Variants in COL11A1 observed in about 807,000 individuals in gnomAD.
COL11A1 encodes collagen type XI alpha 1 chain, also known as collagen alpha-1(XI) chain.
COL11A1 carries 74 observed loss-of-function variants against 265.2 expected under a neutral mutation model. That is an observed-to-expected ratio of 0.28 (90% CI 0.23 to 0.34). The LOEUF (loss-of-function observed/expected upper bound fraction) is 0.34, where lower values mean the gene tolerates loss of function less well. COL11A1 is among the 10% of genes least tolerant of loss of function. The pLI, the probability that COL11A1 is intolerant of heterozygous loss-of-function variation, is 1.00. For missense variants in COL11A1, 2,165 were observed against 2,263.6 expected, an observed-to-expected ratio of 0.96 and a Z score of 0.88; for synonymous variants, 816 against 727.6, an observed-to-expected ratio of 1.12 and a Z score of -1.96.
rs555059033 is a variant in COL11A1, at chr1:103,108,516, C to A, written c.-338G>T. The stretch of plus-strand genomic sequence containing the variant: ...CTGTGTGCCCCTAAAGGCTTCATGC[C>A]GTCAGTGGGCTGGACGAGTGGCTCC... On this transcript the variant is annotated 5_prime_UTR_variant, in exon 1 of 67. Transcript: ENST00000370096. The A allele has an allele frequency of 2.2e-5, 12 of 552,380 alleles. No homozygotes were observed. The highest frequency in any genetic ancestry group is 2.0e-4 in the Admixed American group (6 of 29,980). 34.2% of individuals were successfully genotyped at this position (552,380 alleles called of 1,614,324 possible).
intron 41 of COL11A1, among the ~76,000 whole-genome samples, chr1:102,950,784 C>T (rs1659800339): frequency 6.6e-6 from 1 of 152,128 alleles, no homozygotes; most frequent in Non-Finnish European, 1.5e-5. Flanking sequence ...CCACCCAAAT[C>T]TCATCTTGCT....
chr1:103,014,478 A>G (rs1373623198), intron 13 of COL11A1, 33 bp downstream of exon 13: 2 of 1,554,530 alleles, frequency 1.3e-6, no homozygotes, highest in Non-Finnish European at 1.8e-6. Flanking sequence ...AGAGTCAGTC[A>G]TCTTGTGGGA....
chr1:103,098,211 T>G (rs1673944931), intron 1 of COL11A1, among the ~76,000 whole-genome samples: 1 of 151,960 alleles, frequency 6.6e-6, no homozygotes, highest in Non-Finnish European at 1.5e-5. Flanking sequence ...TTTTCTATAT[T>G]GTAATTAGTT....
chr1:103,078,609 A>G (rs749245143), intron 3 of COL11A1, 49 bp downstream of exon 3: 11 of 1,559,788 alleles, frequency 7.1e-6, no homozygotes, highest in Admixed American at 1.7e-5. Flanking sequence ...GACTGAATAA[A>G]AAAAATGATT....
At chr1:103,011,187 C>T (rs1189907114) in intron 14 of COL11A1, among the ~76,000 whole-genome samples, 2 of 151,734 alleles carry the variant, frequency 1.3e-5, no homozygotes, top group Non-Finnish European at 2.9e-5. Flanking sequence ...TTCTTCTGAC[C>T]CCAAATTTCA....
At chr1:102,905,188 A>G (rs1427933568) in intron 54 of COL11A1, among the ~76,000 whole-genome samples, 2 of 136,356 alleles carry the variant, frequency 1.5e-5, no homozygotes, top group Non-Finnish European at 3.1e-5. Context: ...ACACATGGAC[A>G]CAGGAAAGGG....
chr1:102,923,946 C>T (rs1028048330), intron 46 of COL11A1, among the ~76,000 whole-genome samples: 6 of 151,756 alleles, frequency 4.0e-5, no homozygotes, highest in East Asian at 1.9e-4. Flanking sequence ...CAGTGGCTCA[C>T]GGCTGTAATC....
At position 103,083,121 on chromosome 1, in the gene COL11A1, A is replaced by G. The variant is rs61817086; in HGVS notation, c.107-149T>C. On this transcript the variant is annotated intron_variant, in intron 1 of 66. Transcript: ENST00000370096. Reference sequence around the variant, plus strand: ...CCCTAACATTTAGGTGGGAGTTTGGAGAGTGGGGCAGCAGGTAGTAATATA... The same window carrying G: ...CCCTAACATTTAGGTGGGAGTTTGGGGAGTGGGGCAGCAGGTAGTAATATA... 0.15 allele frequency: 104,393 copies of G among 686,900 alleles called. 8,657 individuals carry two copies. The highest frequency in any genetic ancestry group is 0.18 in the Admixed American group (6,470 of 35,768). 42.6% of individuals were successfully genotyped at this position (686,900 alleles called of 1,614,324 possible).
At chr1:102,975,385 G>A (rs1430060380) in intron 35 of COL11A1, among the ~76,000 whole-genome samples, 2 of 151,780 alleles carry the variant, frequency 1.3e-5, no homozygotes, top group Admixed American at 1.3e-4. Flanking sequence ...GACCACAGAA[G>A]ATGCCTTTAT....
At chr1:103,031,035 AATAAGT>A (rs1667942894) in intron 5 of COL11A1, 75 bp downstream of exon 5, 2 of 1,480,908 alleles carry the variant, frequency 1.4e-6, no homozygotes, top group Non-Finnish European at 1.9e-6. Context: ...AAATGGAATA[AATAAGT>A]ATAAGTTCAA....
chr1:102,885,947 T>C (rs560242600), intron 63 of COL11A1, among the ~76,000 whole-genome samples: 1 of 152,262 alleles, frequency 6.6e-6, no homozygotes, highest in East Asian at 1.9e-4. Flanking sequence ...GACATCCTTT[T>C]TTTTATGCTG....
intron 8 of COL11A1, 93 bp downstream of exon 8, chr1:103,022,649 A>G: frequency 6.6e-7 from 1 of 1,515,414 alleles, no homozygotes; most frequent in Admixed American, 1.7e-5. Context: ...TTCAACCTGC[A>G]TTTTAAACCT....
rs1229876633 is a variant in COL11A1, at chr1:103,045,038, A to G, written c.652-13794T>C. Among the ~76,000 whole-genome samples, 4 of 152,196 alleles carry G rather than the reference A, an allele frequency of 2.6e-5. No individual in the cohort carries two copies. In the East Asian group the frequency reaches 7.8e-4, roughly 30 times the overall value. ...ATATCTAAGAGAGAGCTTTCCAGGC[A>G]GAAGGACTAATGAATGTCCAGGCCC... is the stretch of plus-strand genomic sequence containing the variant. On this transcript the variant is annotated intron_variant, in intron 4 of 66. Coordinates refer to ENST00000370096, the MANE Select transcript of COL11A1 (RefSeq NM_001854.4).
chr1:102,957,907 G>C (rs1170161168), intron 41 of COL11A1, among the ~76,000 whole-genome samples: 1 of 151,894 alleles, frequency 6.6e-6, no homozygotes, highest in Non-Finnish European at 1.5e-5. Context: ...AAAATACCTA[G>C]CATAAGAGTT....
intron 14 of COL11A1, among the ~76,000 whole-genome samples, chr1:103,011,915 A>T (rs780114055): frequency 1.3e-5 from 2 of 152,110 alleles, no homozygotes; most frequent in African/African-American, 2.4e-5. Context: ...TATTTCCAAG[A>T]ATTTCTACAA....
chr1:103,086,201 T>A (rs150590070), intron 1 of COL11A1, among the ~76,000 whole-genome samples: 1 of 152,152 alleles, frequency 6.6e-6, no homozygotes, highest in Non-Finnish European at 1.5e-5. Context: ...AACCACAGCA[T>A]TTTATCTGCT....
At chr1:103,069,848 A>G (rs1228698256) in intron 4 of COL11A1, among the ~76,000 whole-genome samples, 2 of 151,840 alleles carry the variant, frequency 1.3e-5, no homozygotes, top group Non-Finnish European at 2.9e-5. Flanking sequence ...TAAAACCACA[A>G]TGTAACACTA....
chr1:103,002,885 C>T (rs897434080), intron 21 of COL11A1, 94 bp from the exon 22 acceptor site: 3 of 1,126,618 alleles, frequency 2.7e-6, no homozygotes, highest in Admixed American at 1.9e-5. Context: ...ATATTCACTA[C>T]CCTAAGCAAC....
chr1:102,958,546 A>G (rs1660589494), intron 41 of COL11A1, among the ~76,000 whole-genome samples: 1 of 152,148 alleles, frequency 6.6e-6, no homozygotes, highest in South Asian at 2.1e-4. Flanking sequence ...CTTGTTATGA[A>G]CTGAGTCATC....
Sources: gnomAD v4.1 joint callset for allele counts (sites outside exome capture counted in the v4.1 genomes callset) on GRCh38, gnomAD v4.1.1 for gene constraint, MANE v1.5 for transcripts, NCBI Gene and HGNC (gene_info 2026-07-23, HGNC 2026-07-21) for gene names.